SMG1: variants seen among roughly 807,000 people sequenced by gnomAD.
The protein encoded by SMG1 is SMG1 nonsense mediated mRNA decay associated PI3K related kinase.
In SMG1, 22 loss-of-function variants were observed where a neutral mutation model predicts 419.9. The observed-to-expected ratio is 0.05, with a 90% confidence interval of 0.04 to 0.07. The LOEUF is 0.07. Among genes scored for constraint, SMG1 ranks in the 10% least tolerant of loss-of-function variants. SMG1 has a pLI of 1.00. For synonymous variants in SMG1, 1,538 were observed against 1,553.5 expected, an observed-to-expected ratio of 0.99 and a Z score of 0.23; for missense variants, 3,185 against 4,342.0, an observed-to-expected ratio of 0.73 and a Z score of 7.49.
At chr16:18,821,221 C>CT (rs869238782) in intron 55 of SMG1, among the ~76,000 whole-genome samples, 2,557 of 35,646 alleles carry the variant, frequency 0.072, 346 homozygotes, top group African/African-American at 0.17. Context: ...TAGTATGTTT[C>CT]TTTTTTTTTT....
At chr16:18,924,286 G>A (rs994992638) in intron 1 of SMG1, among the ~76,000 whole-genome samples, 1 of 152,180 alleles carries the variant, frequency 6.6e-6, no homozygotes, top group Non-Finnish European at 1.5e-5. Context: ...CTTCATACCT[G>A]TCAGCAATGA....
At chr16:18,835,871 C>A in intron 48 of SMG1, 62 bp downstream of exon 48, 1 of 1,481,076 alleles carries the variant, frequency 6.8e-7, no homozygotes, top group Non-Finnish European at 9.1e-7. Flanking sequence ...CACACTCCAG[C>A]CTGGGTGACA....
At chr16:18,887,334 A>G (rs577843071) in intron 6 of SMG1, among the ~76,000 whole-genome samples, 2 of 151,714 alleles carry the variant, frequency 1.3e-5, no homozygotes, top group Non-Finnish European at 1.5e-5. Context: ...AAACCTCTAT[A>G]ATCAAGGGGA....
At chr16:18,835,891 T>A in intron 48 of SMG1, 42 bp downstream of exon 48, 1 of 1,530,928 alleles carries the variant, frequency 6.5e-7, no homozygotes, top group Non-Finnish European at 8.8e-7. Context: ...AGAACAAGAC[T>A]CCGTCTCAAA....
At chr16:18,831,770 A>AAC (rs1555488287) in intron 51 of SMG1, among the ~76,000 whole-genome samples, 1 of 93,340 alleles carries the variant, frequency 1.1e-5, no homozygotes, top group South Asian at 3.2e-4. Context: ...AAAAAAAAAA[A>AAC]ATACATATAT....
Position 18,925,479 on chromosome 16 carries a change from T to G in SMG1, c.92+471A>C, listed in dbSNP as rs539335677. ...ATGCCTTAGCTGGAGTTTTGTTTTG[T>G]TTTTTTCAATATTAACACGTGGGGG... On this transcript the variant is annotated intron_variant, in intron 1 of 62. Transcript: ENST00000446231. The G allele has an allele frequency of 9.5e-3, 1,465 of 155,010 alleles. 10 individuals carry two copies. The highest frequency in any genetic ancestry group is 0.043 in the Middle Eastern group (13 of 302). 9.6% of individuals were successfully genotyped at this position (155,010 alleles called of 1,614,324 possible).
At chr16:18,851,702 CCTG>C (rs1342644464) in intron 33 of SMG1, among the ~76,000 whole-genome samples, 1 of 152,066 alleles carries the variant, frequency 6.6e-6, no homozygotes, top group Admixed American at 6.5e-5. Flanking sequence ...ACCACCACAC[CCTG>C]CTAATTTTTG....
Position 18,811,776 on chromosome 16 carries a change from C to A in SMG1, c.10893G>T (p.Met3631Ile), listed in dbSNP as rs753930805. The A allele has an allele frequency of 6.2e-7, 1 of 1,613,976 alleles. No individual in the cohort carries two copies. The highest frequency in any genetic ancestry group is 2.2e-5 in the East Asian group (1 of 44,878). The stretch of plus-strand genomic sequence containing the variant: ...ACACGGTCACCTGTTCAGCAACTGA[C>A]ATCCTCCTATTCGGATCAACATCTC... Reference protein sequence around the residue: ...EGRDVDPNRRMSVAEQVDYVI... With the variant: ...EGRDVDPNRRISVAEQVDYVI... Residue 3631 changes from methionine (M) to isoleucine (I), a missense_variant, in exon 62 of 63, where the codon ATG (methionine) becomes ATT (isoleucine). By Grantham distance (10) the Met-to-Ile change is conservative. Around this residue, in one of 27 missense-constraint regions of SMG1, gnomAD observed 41 missense variants for 78.7 expected, o/e 0.52. Coordinates refer to ENST00000446231, the MANE Select transcript of SMG1 (RefSeq NM_015092.5).
intron 13 of SMG1, among the ~76,000 whole-genome samples, chr16:18,872,869 A>G (rs2035899187): frequency 1.3e-5 from 2 of 152,154 alleles, no homozygotes; most frequent in South Asian, 4.1e-4. Flanking sequence ...GAAAACAGCC[A>G]CAGGTCAGGT....
chr16:18,851,990 C>T (rs1426694202), intron 33 of SMG1, 77 bp downstream of exon 33: 19 of 1,436,662 alleles, frequency 1.3e-5, no homozygotes, highest in Non-Finnish European at 1.7e-5. Context: ...AGTATTTTAT[C>T]AAATATATAT....
Position 18,858,277 on chromosome 16 carries a change from G to A in SMG1, c.4127C>T (p.Pro1376Leu), listed in dbSNP as rs267604426. Residue 1376 changes from proline (P) to leucine (L), a missense_variant, in exon 29 of 63, where the codon CCA becomes CTA. Pro to Leu is a moderately conservative substitution (Grantham distance 98, BLOSUM62 -3). Coordinates refer to ENST00000446231, the MANE Select transcript of SMG1 (RefSeq NM_015092.5). Reference protein sequence around the residue: ...NRLSTEDCLIPLFSEALRSCK... With the variant: ...NRLSTEDCLILLFSEALRSCK... Reference sequence around the variant, plus strand: ...TGAACGTAAAGCTTCACTGAAGAGTGGAATAAGACAGTCCTGCCAGAGAAA... The same window carrying A: ...TGAACGTAAAGCTTCACTGAAGAGTAGAATAAGACAGTCCTGCCAGAGAAA... 1 of 1,589,950 alleles carries A rather than the reference G, an allele frequency of 6.3e-7. No individual in the cohort carries two copies. Among genetic ancestry groups the A allele is most frequent in the South Asian group, 1.2e-5 (1 of 85,844 alleles).
At chr16:18,828,279 C>T in intron 54 of SMG1, 111 bp from the exon 55 acceptor site, 2 of 1,012,952 alleles carry the variant, frequency 2.0e-6, no homozygotes, top group Non-Finnish European at 2.9e-6. Flanking sequence ...ATCCCAGCTG[C>T]AGCCAATGGG....
At chr16:18,871,702 G>A (rs1384801239) in intron 15 of SMG1, among the ~76,000 whole-genome samples, 1 of 152,016 alleles carries the variant, frequency 6.6e-6, no homozygotes, top group South Asian at 2.1e-4. Context: ...CAAAGAGGCC[G>A]GGTGTGGTGG....
At chr16:18,833,249 A>G in intron 50 of SMG1, 83 bp from the exon 51 acceptor site, 1 of 997,764 alleles carries the variant, frequency 1.0e-6, no homozygotes, top group East Asian at 2.6e-5. Flanking sequence ...CCATACATTA[A>G]GAGCAAACTT....
intron 13 of SMG1, 118 bp downstream of exon 13, chr16:18,876,006 C>T (rs560413896): frequency 1.0e-5 from 11 of 1,069,698 alleles, no homozygotes; most frequent in African/African-American, 9.5e-5. Context: ...TTAAATATGG[C>T]TGTTTGTTAC....
chr16:18,816,595 ACAT>A (rs1418185406), intron 57 of SMG1, 66 bp from the exon 58 acceptor site: 21 of 1,330,124 alleles, frequency 1.6e-5, no homozygotes, highest in Non-Finnish European at 2.2e-5. Flanking sequence ...TTCTTCATTA[ACAT>A]CATCAAAAGA....
chr16:18,815,360 A>T, intron 59 of SMG1, 79 bp from the exon 60 acceptor site: 1 of 1,569,002 alleles, frequency 6.4e-7, no homozygotes, highest in East Asian at 2.2e-5. Flanking sequence ...AAAACTGAAA[A>T]ATTAAATCAA....
intron 3 of SMG1, among the ~76,000 whole-genome samples, chr16:18,893,374 C>G (rs2036969369): frequency 6.6e-6 from 1 of 152,176 alleles, no homozygotes; most frequent in South Asian, 2.1e-4. Flanking sequence ...TGTAATTACC[C>G]AGCACTTTGG....
chr16:18,842,557 G>A (rs943602829), intron 39 of SMG1, 103 bp from the exon 40 acceptor site: 1 of 1,157,238 alleles, frequency 8.6e-7, no homozygotes, highest in Non-Finnish European at 1.2e-6. Context: ...CACGGCGGCA[G>A]CTCATGCCTG....
Sources: allele counts gnomAD v4.1 joint callset (sites outside exome capture counted in the v4.1 genomes callset), GRCh38; gene constraint gnomAD v4.1.1; regional missense constraint gnomAD v4.1.1; transcripts MANE v1.5; gene names NCBI Gene and HGNC (gene_info 2026-07-23, HGNC 2026-07-21).